EIF4G2: variants seen among roughly 807,000 people sequenced by gnomAD.
EIF4G2 encodes DAP-5.
Under a neutral mutation model 117.7 loss-of-function variants are expected in EIF4G2, and 8 were observed. The ratio of observed to expected loss-of-function variants is 0.07; its 90% CI spans 0.04 to 0.12. The LOEUF (loss-of-function observed/expected upper bound fraction) is 0.12, where lower values mean the gene tolerates loss of function less well. Among genes scored for constraint, EIF4G2 ranks in the 10% least tolerant of loss-of-function variants. The pLI, the probability that EIF4G2 is intolerant of heterozygous loss-of-function variation, is 1.00. For synonymous variants in EIF4G2, 413 were observed against 367.8 expected (o/e 1.12, Z -1.41); for missense variants, 812 against 1,086.2 (o/e 0.75, Z 3.55).
In EIF4G2 at chr11:10,799,708, C is replaced by T; in HGVS notation, c.2168G>A (p.Gly723Glu). ...GAGGAGTGGGAATAAGAAACTCAGT[C>T]CCTTTCCTTCCAAAATCTCCAACAT... Residue 723 changes from glycine to glutamate, a missense_variant, in exon 19 of 22, where the codon GGA becomes GAA. By Grantham distance (98) the Gly-to-Glu change is moderately conservative. Transcript: ENST00000339995. 1.2e-6 allele frequency: 2 copies of T among 1,614,088 alleles called. No individual in the cohort carries two copies.
chr11:10,805,877 T>A, intron 4 of EIF4G2, 30 bp downstream of exon 4: 1 of 1,614,154 alleles, frequency 6.2e-7, no homozygotes, highest in Non-Finnish European at 8.5e-7. Flanking sequence ...ACACTTCCCA[T>A]CTTTTAGTAA....
intron 1 of EIF4G2, chr11:10,808,082 T>C: frequency 9.4e-7 from 1 of 1,058,378 alleles, no homozygotes; most frequent in Non-Finnish European, 1.1e-6. Flanking sequence ...CGCCCAGCTC[T>C]TTGTTCTCCA....
Position 10,802,138 on chromosome 11 carries a change from T to C in EIF4G2, c.1210A>G (p.Asn404Asp), listed in dbSNP as rs199962323. 2 of 1,487,582 alleles carry C rather than the reference T, an allele frequency of 1.3e-6. No homozygotes were observed. Among genetic ancestry groups the C allele is most frequent in the Non-Finnish European group, 1.8e-6 (2 of 1,114,714 alleles). The allele number at this position is 1,487,582 out of a possible 1,614,324, so 92.1% of individuals were successfully genotyped here. A position where few individuals can be genotyped will look rare whatever the true frequency, so the allele number is the denominator to read the frequency against. ...CCCCCATGGCCATTGAAGAGTTGAT[T>C]TGAACGATGACGTCCCATGGTGGGT... Residue 404 changes from asparagine to aspartate, a missense_variant, in exon 13 of 22, where the codon AAT becomes GAT. Transcript: ENST00000339995.
intron 21 of EIF4G2, among the ~76,000 whole-genome samples, chr11:10,798,318 T>A (rs180724017): frequency 1.4e-4 from 22 of 152,332 alleles, no homozygotes; most frequent in Admixed American, 1.4e-3. Flanking sequence ...GGGCTACAAG[T>A]TCATTCAATA....
In EIF4G2 at chr11:10,803,396, G is replaced by A; in HGVS notation, c.813+84C>T. The A allele has an allele frequency of 1.9e-6, 3 of 1,551,912 alleles. No individual in the cohort carries two copies. The highest frequency in any genetic ancestry group is 3.4e-5 in the Admixed American group (2 of 58,332). On this transcript the variant is annotated intron_variant, in intron 9 of 21. Transcript: ENST00000339995. This position sits in a 1 kb window ranked among gnomAD's most constrained non-coding sequence, Gnocchi z 4.0. ...TATAACCCAGTTAATGGCTAAATAT[G>A]GCAATCCCTTATGATGTCACAAAAA...
At chr11:10,801,399 C>T (rs977159249) in intron 14 of EIF4G2, 2 of 642,534 alleles carry the variant, frequency 3.1e-6, no homozygotes, top group Admixed American at 4.9e-5. Context: ...AGTTAAATCA[C>T]CCTTACAAAG....
rs1847498322 is a variant in EIF4G2, at chr11:10,804,210, A to G, written c.484-7T>C. The G allele has an allele frequency of 6.2e-7, 1 of 1,613,906 alleles. No individual in the cohort carries two copies. Among genetic ancestry groups the G allele is most frequent in the Non-Finnish European group, 8.5e-7 (1 of 1,180,000 alleles). On this transcript the variant is annotated splice_polypyrimidine_tract_variant and splice_region_variant and intron_variant, in intron 6 of 21. Coordinates refer to ENST00000339995, the MANE Select transcript of EIF4G2 (RefSeq NM_001418.4). ...TTAGGAGGCGTCTGAATGTCTGGAA[A>G]AGAAGACATTGTCATGCTTTATTAA...
In EIF4G2 at chr11:10,805,028, G is replaced by T. The variant is rs531231964; in HGVS notation, c.249-13C>A. ...CTTATTTAGTATGCTGGAGAAAAAG[G>T]AATTACATTTTAAGTGTTAGCTAAT... On this transcript the variant is annotated splice_polypyrimidine_tract_variant and intron_variant, in intron 4 of 21. Coordinates refer to ENST00000339995, the MANE Select transcript of EIF4G2 (RefSeq NM_001418.4). 1 of 1,595,548 alleles carries T rather than the reference G, an allele frequency of 6.3e-7. No individual in the cohort carries two copies. The highest frequency in any genetic ancestry group is 1.7e-5 in the Admixed American group (1 of 59,976).
Position 10,803,389 on chromosome 11 carries a change from T to A in EIF4G2, c.813+91A>T. Reference sequence around the variant, plus strand: ...CTAAAATTATAACCCAGTTAATGGCTAAATATGGCAATCCCTTATGATGTC... The same window carrying A: ...CTAAAATTATAACCCAGTTAATGGCAAAATATGGCAATCCCTTATGATGTC... On this transcript the variant is annotated intron_variant, in intron 9 of 21. Transcript: ENST00000339995. The surrounding 1 kb of genome is among the most constrained non-coding windows in gnomAD (Gnocchi z 4.0). 6.4e-7 allele frequency: 1 copy of A among 1,554,804 alleles called. No individual in the cohort carries two copies. The highest frequency in any genetic ancestry group is 8.8e-7 in the Non-Finnish European group (1 of 1,131,052).
chr11:10,804,884 T>C, intron 5 of EIF4G2, 29 bp downstream of exon 5: 4 of 1,570,968 alleles, frequency 2.5e-6, no homozygotes, highest in Non-Finnish European at 3.5e-6. Flanking sequence ...CCCTCTCCCT[T>C]TTGAGTTAAG....
At chr11:10,807,940 C>T (rs1847634956) in intron 1 of EIF4G2, 2 of 1,014,000 alleles carry the variant, frequency 2.0e-6, no homozygotes, top group East Asian at 1.1e-4. Context: ...CCGTTTTTCC[C>T]TTCCTGGGAA....
intron 4 of EIF4G2, 58 bp downstream of exon 4, chr11:10,805,849 A>C (rs1174685400): frequency 5.6e-6 from 9 of 1,612,214 alleles, no homozygotes; most frequent in Admixed American, 1.7e-5. Flanking sequence ...CAGCACACAC[A>C]CCAAACACAG....
chr11:10,804,670 G>T (rs960460134), intron 5 of EIF4G2: 11 of 600,114 alleles, frequency 1.8e-5, no homozygotes, highest in Non-Finnish European at 2.8e-5. Flanking sequence ...AAAAGAAAAA[G>T]AACAGCTTGC....
rs1168291957 is a variant in EIF4G2, at chr11:10,797,057, A to G, written c.*759T>C. 6.6e-6 allele frequency: 1 copy of G among 152,638 alleles called. No homozygotes were observed. The highest frequency in any genetic ancestry group is 1.5e-5 in the Non-Finnish European group (1 of 68,048). The allele number at this position is 152,638 out of a possible 1,614,324, so 9.5% of individuals were successfully genotyped here. A position where few individuals can be genotyped will look rare whatever the true frequency, so the allele number is the denominator to read the frequency against. On this transcript the variant is annotated 3_prime_UTR_variant, in exon 22 of 22. Coordinates refer to ENST00000339995, the MANE Select transcript of EIF4G2 (RefSeq NM_001418.4). This position sits in a 1 kb window ranked among gnomAD's most constrained non-coding sequence, Gnocchi z 4.5. The stretch of plus-strand genomic sequence containing the variant: ...TTTACAGCCACACATCACTACATCA[A>G]GTATCACAATGTTTATTGATAGATA...
rs1239327830 is a variant in EIF4G2 at position 10,800,574 on chromosome 11, G to A, written c.1718C>T (p.Ala573Val). The change falls in exon 17 of 22, where the codon GCT (alanine) becomes GTT (valine). Residue 573 changes from alanine (A) to valine (V), a missense_variant. Transcript: ENST00000339995. Reference sequence around the variant, plus strand: ...CATCTCAGGAAGAAAGTGTTTAGGAGCCCTCATTTCTCTTACACCATTGAC... The same window carrying A: ...CATCTCAGGAAGAAAGTGTTTAGGAACCCTCATTTCTCTTACACCATTGAC... The A allele has an allele frequency of 6.2e-7, 1 of 1,614,140 alleles. No homozygotes were observed. The highest frequency in any genetic ancestry group is 2.2e-5 in the East Asian group (1 of 44,878).
chr11:10,805,826 C>A (rs562359259), intron 4 of EIF4G2, 81 bp downstream of exon 4: 1 of 1,594,584 alleles, frequency 6.3e-7, no homozygotes, highest in South Asian at 1.1e-5. Context: ...TGAACCTTGC[C>A]TTCTTAGTAA....
At chr11:10,802,812 A>C (rs943742328) in intron 11 of EIF4G2, among the ~76,000 whole-genome samples, 7 of 152,232 alleles carry the variant, frequency 4.6e-5, no homozygotes, top group African/African-American at 1.7e-4. Flanking sequence ...GGCTGCAGTG[A>C]ATCGAGAATG....
In EIF4G2 at chr11:10,804,933, G is replaced by C. The variant is rs1339283413; in HGVS notation, c.331C>G (p.Leu111Val). 6.2e-7 allele frequency: 1 copy of C among 1,613,770 alleles called. No individual in the cohort carries two copies. Among genetic ancestry groups the C allele is most frequent in the Non-Finnish European group, 8.5e-7 (1 of 1,179,850 alleles). Residue 111 changes from leucine to valine, a missense_variant, in exon 5 of 22, where the codon CTT (leucine) becomes GTT (valine). Leu to Val is a conservative substitution (Grantham distance 32, BLOSUM62 1). Transcript: ENST00000339995. ...CTTACCAGCAGTATGACCCCTTTAA[G>C]GATGAGTTTAGACTCTACACCCACA...
In EIF4G2 at chr11:10,803,701, A is replaced by G. The variant is rs1847488282; in HGVS notation, c.703-111T>C. ...CTCATTCACAGTTCCTACAGAATCT[A>G]GTATAGGGCTTTCTACCAGTCTGGT... On this transcript the variant is annotated intron_variant, in intron 8 of 21. Coordinates refer to ENST00000339995, the MANE Select transcript of EIF4G2 (RefSeq NM_001418.4). The surrounding 1 kb of genome is among the most constrained non-coding windows in gnomAD (Gnocchi z 4.0). 4 of 1,139,590 alleles carry G rather than the reference A, an allele frequency of 3.5e-6. No individual in the cohort carries two copies. The East Asian group carries it at 9.6e-5, about 27-fold the overall frequency. The allele number at this position is 1,139,590 out of a possible 1,614,324, so 70.6% of individuals were successfully genotyped here. A position where few individuals can be genotyped will look rare whatever the true frequency, so the allele number is the denominator to read the frequency against.
Sources: allele counts gnomAD v4.1 joint callset (sites outside exome capture counted in the v4.1 genomes callset), GRCh38; gene constraint gnomAD v4.1.1; non-coding constraint Gnocchi (gnomAD v3.1); transcripts MANE v1.5; gene names NCBI Gene and HGNC (gene_info 2026-07-23, HGNC 2026-07-21).